CPM: variants seen among roughly 807,000 people sequenced by gnomAD.
The protein encoded by CPM is carboxypeptidase M.
In CPM, 35 loss-of-function variants were observed where a neutral mutation model predicts 46.4. The ratio of observed to expected loss-of-function variants is 0.75; its 90% CI spans 0.58 to 1.00. CPM has a LOEUF of 1.00. Ranked by LOEUF, CPM falls within the 50% of genes least tolerant of loss-of-function variation. CPM has a pLI of 0.00. For missense variants in CPM, 422 were observed against 530.4 expected, an observed-to-expected ratio of 0.80 and a Z score of 2.01; for synonymous variants, 195 against 195.3, an observed-to-expected ratio of 1.00 and a Z score of 0.01.
chr12:68,862,362 G>A (rs1408655783), intron 7 of CPM, among the ~76,000 whole-genome samples: 1 of 138,978 alleles, frequency 7.2e-6, no homozygotes, highest in East Asian at 1.9e-4. Context: ...AGCACCCCAA[G>A]TAGCTGGGAT....
chr12:68,940,153 C>A (rs1326165771), intron 1 of CPM, among the ~76,000 whole-genome samples: 1 of 150,270 alleles, frequency 6.7e-6, no homozygotes, highest in Non-Finnish European at 1.5e-5. Context: ...TTTTTTAGAG[C>A]AGTTTGAGAT....
At position 68,962,209 on chromosome 12, in the gene CPM, A is replaced by AC. The variant is rs1555203333; in HGVS notation, c.-4+959_-4+960insG. ...AGCGAGACTCCATCTCAAAAAAAAA[A>AC]AAAAAAAAACCAAGTGTGATAATAC... is the stretch of plus-strand genomic sequence containing the variant. On this transcript the variant is annotated intron_variant, in intron 1 of 8. Coordinates refer to the CPM transcript ENST00000546373. Among the ~76,000 whole-genome samples the AC allele has an allele frequency of 4.8e-4, 38 of 78,584 alleles. No homozygotes were observed. The South Asian group carries it at 0.011, about 22-fold the overall frequency. 51.6% of individuals were successfully genotyped at this position (78,584 alleles called of 152,430 possible). A position where few individuals can be genotyped will look rare whatever the true frequency, so the allele number is the denominator to read the frequency against.
At chr12:68,863,453 T>C (rs1262780786) in intron 7 of CPM, among the ~76,000 whole-genome samples, 1 of 152,160 alleles carries the variant, frequency 6.6e-6, no homozygotes, top group Non-Finnish European at 1.5e-5. Flanking sequence ...TCATCTCAAC[T>C]TGAACCTAGT....
intron 2 of CPM, among the ~76,000 whole-genome samples, chr12:68,888,887 C>T (rs147373969): frequency 6.6e-6 from 1 of 152,254 alleles, no homozygotes; most frequent in African/African-American, 2.4e-5. Context: ...GAAGCATTTG[C>T]TAAGATCTCT....
chr12:68,962,430 TC>T (rs1565813034), intron 1 of CPM, among the ~76,000 whole-genome samples: 1 of 152,050 alleles, frequency 6.6e-6, no homozygotes, highest in Non-Finnish European at 1.5e-5. Flanking sequence ...GTCCCACTCT[TC>T]CCCGAGGGCA....
At chr12:68,895,220 AATGAACTCAGGC>A (rs1416340089) in intron 2 of CPM, among the ~76,000 whole-genome samples, 1 of 152,046 alleles carries the variant, frequency 6.6e-6, no homozygotes, top group African/African-American at 2.4e-5. Flanking sequence ...CTGGTGCCCT[AATGAACTCAGGC>A]ATATCATGTG....
chr12:68,904,233 T>G (rs1179826006), intron 2 of CPM, among the ~76,000 whole-genome samples: 1 of 152,192 alleles, frequency 6.6e-6, no homozygotes, highest in East Asian at 1.9e-4. Flanking sequence ...CACAGAAACC[T>G]TGGTAGAAAG....
At chr12:68,937,627 A>G (rs1021713382), upstream of CPM, among the ~76,000 whole-genome samples, 11 of 152,334 alleles carry the variant, frequency 7.2e-5, no homozygotes, top group Admixed American at 7.2e-4. Context: ...TCAGGCAAGA[A>G]GCAGATAATA....
Position 68,878,364 on chromosome 12 carries a change from G to T in CPM, c.259-6408C>A, listed in dbSNP as rs142290601. Among the ~76,000 whole-genome samples, 1,338 of 152,254 alleles carry T rather than the reference G, an allele frequency of 8.8e-3. 12 individuals are homozygous for T. The highest frequency in any genetic ancestry group is 0.031 in the African/African-American group (1,285 of 41,542). On this transcript the variant is annotated intron_variant, in intron 3 of 8. Transcript: ENST00000551568. ...TGGCTTAGGAGTTATGCAGCCAGAG[G>T]CCACAAGATTCCAAGCCTCCCCAAT...
chr12:68,928,383 A>T (rs1441552480), intron 2 of CPM, among the ~76,000 whole-genome samples: 1 of 152,246 alleles, frequency 6.6e-6, no homozygotes, highest in African/African-American at 2.4e-5. Flanking sequence ...AGATGGATTA[A>T]AGACTTAAAT....
At chr12:68,876,084 CTT>C (rs1885939926) in intron 3 of CPM, among the ~76,000 whole-genome samples, 2 of 152,088 alleles carry the variant, frequency 1.3e-5, no homozygotes, top group Admixed American at 6.5e-5. Context: ...TTTATTTCCT[CTT>C]ATTCTTTTTA....
Position 68,871,773 on chromosome 12 carries a change from C to T in CPM, c.431+11G>A. 1 of 1,613,852 alleles carries T rather than the reference C, an allele frequency of 6.2e-7. No individual in the cohort carries two copies. Among genetic ancestry groups the T allele is most frequent in the East Asian group, 2.2e-5 (1 of 44,886 alleles). Reference sequence around the variant, plus strand: ...TTGTTTTCAAGTAAAGATAGACCAGCCCCTCTTTACCTTCCGATGCTGTAA... The same window carrying T: ...TTGTTTTCAAGTAAAGATAGACCAGTCCCTCTTTACCTTCCGATGCTGTAA... On this transcript the variant is annotated intron_variant, in intron 4 of 8. Transcript: ENST00000551568.
intron 1 of CPM, chr12:68,957,352 G>A: frequency 9.8e-6 from 2 of 204,276 alleles, no homozygotes; most frequent in Non-Finnish European, 2.1e-5. Context: ...CATGGACACA[G>A]CTCTCTGGTG....
chr12:68,961,119 C>T (rs1453500635), intron 1 of CPM, among the ~76,000 whole-genome samples: 1 of 152,018 alleles, frequency 6.6e-6, no homozygotes, highest in Non-Finnish European at 1.5e-5. Flanking sequence ...TGAGAAGAGT[C>T]ATGAGAAAAA....
At chr12:68,926,031 C>G (rs1203780179) in intron 2 of CPM, among the ~76,000 whole-genome samples, 1 of 152,258 alleles carries the variant, frequency 6.6e-6, no homozygotes, top group East Asian at 1.9e-4. Flanking sequence ...ATCCTCCCAC[C>G]TCAGCCTCCC....
chr12:68,847,187 GTGTGTACATTATATA>G (rs1884361989), downstream of CPM: 5 of 60,910 alleles, frequency 8.2e-5, 1 homozygote, highest in African/African-American at 5.7e-4. Flanking sequence ...GTATGTATGT[GTGTGTACATTATATA>G]TATATATATA....
At chr12:68,962,078 T>C (rs903661151) in intron 1 of CPM, among the ~76,000 whole-genome samples, 2 of 151,572 alleles carry the variant, frequency 1.3e-5, no homozygotes, top group Non-Finnish European at 2.9e-5. Context: ...TGGGCGCCTG[T>C]AGTCTCAGCT....
At chr12:68,941,759 C>T (rs1313188606) in intron 1 of CPM, among the ~76,000 whole-genome samples, 1 of 152,172 alleles carries the variant, frequency 6.6e-6, no homozygotes, top group Admixed American at 6.5e-5. Context: ...TTATCTTAAG[C>T]TGGGATCTCC....
At chr12:68,858,603 A>G (rs1565764787) in intron 8 of CPM, among the ~76,000 whole-genome samples, 3 of 152,076 alleles carry the variant, frequency 2.0e-5, no homozygotes, top group Non-Finnish European at 4.4e-5. Flanking sequence ...ACTATAAACT[A>G]CCTTTGCTAC....
Sources: gnomAD v4.1 joint callset for allele counts (sites outside exome capture counted in the v4.1 genomes callset) on GRCh38, gnomAD v4.1.1 for gene constraint, MANE v1.5 for transcripts, NCBI Gene and HGNC (gene_info 2026-07-23, HGNC 2026-07-21) for gene names.